The following RIMBP2 variants were observed in gnomAD, a reference collection of about 807,000 sequenced individuals.
The protein encoded by RIMBP2 is RIMS binding protein 2.
A neutral mutation model predicts 118.6 loss-of-function variants in RIMBP2; 48 were observed. The ratio of observed to expected loss-of-function variants is 0.40; its 90% CI spans 0.32 to 0.51. The LOEUF is 0.51. Ranked by LOEUF, RIMBP2 falls within the 20% of genes least tolerant of loss-of-function variation. The pLI, the probability that RIMBP2 is intolerant of heterozygous loss-of-function variation, is 0.41. For missense variants in RIMBP2, 1,551 were observed against 1,768.3 expected, an observed-to-expected ratio of 0.88 and a Z score of 2.20; for synonymous variants, 762 against 742.9, an observed-to-expected ratio of 1.03 and a Z score of -0.42.
At chr12:130,409,354 TTTTTTTG>T (rs2075486697) in intron 19 of RIMBP2, among the ~76,000 whole-genome samples, 2 of 141,916 alleles carry the variant, frequency 1.4e-5, no homozygotes, top group African/African-American at 2.6e-5. Flanking sequence ...TTTTTTTTTT[TTTTTTTG>T]AGATGGACTC....
intron 2 of RIMBP2, among the ~76,000 whole-genome samples, chr12:130,531,975 A>G (rs543439102): frequency 1.8e-5 from 2 of 111,248 alleles, no homozygotes. Context: ...GCGTATGTTT[A>G]GCCTCTAGGA....
rs1195716830 is a variant in RIMBP2 at position 130,434,650 on chromosome 12, G to A, written c.2253+84C>T. ...CAGGGACCCAAGGGTAGCGGGGAAA[G>A]TGCCCATGTCTCTTGATCTCCACGG... On this transcript the variant is annotated intron_variant, in intron 14 of 22. Transcript: ENST00000690449. The surrounding 1 kb of genome is among the most constrained non-coding windows in gnomAD (Gnocchi z 5.7). The A allele has an allele frequency of 2.8e-6, 4 of 1,407,046 alleles. No homozygotes were observed. Among genetic ancestry groups the A allele is most frequent in the Non-Finnish European group, 3.8e-6 (4 of 1,055,858 alleles). The allele number at this position is 1,407,046 out of a possible 1,614,324, so 87.2% of individuals were successfully genotyped here.
intron 4 of RIMBP2, among the ~76,000 whole-genome samples, chr12:130,481,244 A>G (rs902180362): frequency 6.7e-6 from 1 of 149,732 alleles, no homozygotes; most frequent in African/African-American, 2.5e-5. Flanking sequence ...CAGTTTTCCA[A>G]AGGTAGCCCT....
intron 5 of RIMBP2, among the ~76,000 whole-genome samples, chr12:130,473,131 G>C (rs913399459): frequency 6.6e-6 from 1 of 152,178 alleles, no homozygotes; most frequent in South Asian, 2.1e-4. Context: ...GTACAACTTC[G>C]CTTCCAGCTT....
At chr12:130,462,838 T>C (rs1050708799) in intron 6 of RIMBP2, among the ~76,000 whole-genome samples, 4 of 152,344 alleles carry the variant, frequency 2.6e-5, no homozygotes, top group South Asian at 2.1e-4. Context: ...CCGTAAATGC[T>C]TGTCTGATGG....
chr12:130,497,100 C>A (rs1324376684), intron 4 of RIMBP2, among the ~76,000 whole-genome samples: 3 of 152,184 alleles, frequency 2.0e-5, no homozygotes, highest in Non-Finnish European at 4.4e-5. Context: ...CCCTGAGCGT[C>A]TGTGTCTCTA....
chr12:130,643,667 A>G (rs2062725358), intron 1 of RIMBP2, among the ~76,000 whole-genome samples: 1 of 152,184 alleles, frequency 6.6e-6, no homozygotes, highest in Admixed American at 6.5e-5. Flanking sequence ...GGAGGCGGGG[A>G]CCACTGCTCC....
chr12:130,661,992 G>T (rs553301375), intron 1 of RIMBP2, among the ~76,000 whole-genome samples: 2 of 152,342 alleles, frequency 1.3e-5, no homozygotes, highest in Non-Finnish European at 2.9e-5. Context: ...GTGCAGGACT[G>T]AAATCACCTG....
chr12:130,407,185 A>C (rs1262649687), intron 20 of RIMBP2, among the ~76,000 whole-genome samples: 1 of 152,220 alleles, frequency 6.6e-6, no homozygotes, highest in Non-Finnish European at 1.5e-5. Flanking sequence ...AGTACTGTGT[A>C]ACATGGGTTC....
intron 1 of RIMBP2, among the ~76,000 whole-genome samples, chr12:130,715,216 C>T (rs1200134216): frequency 6.6e-6 from 1 of 152,244 alleles, no homozygotes; most frequent in Non-Finnish European, 1.5e-5. Context: ...AAATATGGGG[C>T]TGGACAGGGT....
intron 1 of RIMBP2, chr12:130,651,402 C>T (rs2063226538): frequency 6.6e-6 from 1 of 152,284 alleles, no homozygotes; most frequent in South Asian, 2.1e-4. Context: ...GAGTTCTTCC[C>T]ATGTGCAAGG....
Position 130,511,801 on chromosome 12 carries a change from A to T in RIMBP2, c.-126-5031T>A, listed in dbSNP as rs1055844458. Among the ~76,000 whole-genome samples, 9 of 152,036 alleles carry T rather than the reference A, an allele frequency of 5.9e-5. No homozygotes were observed. The highest frequency in any genetic ancestry group is 7.4e-5 in the Non-Finnish European group (5 of 68,020). On this transcript the variant is annotated intron_variant, in intron 3 of 22. Coordinates refer to ENST00000690449, the MANE Select transcript of RIMBP2 (RefSeq NM_001393629.1). This position sits in a 1 kb window ranked among gnomAD's most constrained non-coding sequence, Gnocchi z 4.3. ...ACCACAGTGGGGATGCGACCCTTCG[A>T]GATGGAATACCACCTGTCTCGGTGT... is the stretch of plus-strand genomic sequence containing the variant.
At chr12:130,476,383 A>G (rs1437467675) in intron 5 of RIMBP2, among the ~76,000 whole-genome samples, 1 of 152,202 alleles carries the variant, frequency 6.6e-6, no homozygotes, top group African/African-American at 2.4e-5. Flanking sequence ...GAGAGTCCAA[A>G]GACGACTGGT....
At chr12:130,486,474 C>T (rs12831715) in intron 4 of RIMBP2, among the ~76,000 whole-genome samples, 6,394 of 151,848 alleles carry the variant, frequency 0.042, 195 homozygotes, top group South Asian at 0.13. Context: ...CCCGCCCCCC[C>T]GCCACTCATA....
rs2078870515 is a variant in RIMBP2, at chr12:130,450,110, G to A, written c.581+90C>T. 1 of 826,306 alleles carries A rather than the reference G, an allele frequency of 1.2e-6. No homozygotes were observed. Among genetic ancestry groups the A allele is most frequent in the Non-Finnish European group, 2.0e-6 (1 of 502,828 alleles). The allele number at this position is 826,306 out of a possible 1,614,324, so 51.2% of individuals were successfully genotyped here. A position where few individuals can be genotyped will look rare whatever the true frequency, so the allele number is the denominator to read the frequency against. ...CTTCTCCTCGTGCCCTGGGAGAAGG[G>A]AACTTCTCAGACCCCAGAGTGTTCC... On this transcript the variant is annotated intron_variant, in intron 9 of 22. Transcript: ENST00000690449. The surrounding 1 kb of genome is among the most constrained non-coding windows in gnomAD (Gnocchi z 4.8).
chr12:130,591,463 A>G (rs950534179), intron 2 of RIMBP2, among the ~76,000 whole-genome samples: 5 of 152,148 alleles, frequency 3.3e-5, no homozygotes, highest in Non-Finnish European at 7.3e-5. Context: ...GCCTTGACAC[A>G]TTCCCACTCA....
At chr12:130,558,928 G>T (rs536922234) in intron 2 of RIMBP2, among the ~76,000 whole-genome samples, 1 of 152,156 alleles carries the variant, frequency 6.6e-6, no homozygotes, top group Non-Finnish European at 1.5e-5. Flanking sequence ...TGTCAAGTAG[G>T]TTAGAAACTC....
intron 18 of RIMBP2, among the ~76,000 whole-genome samples, chr12:130,413,416 G>C (rs780353973): frequency 6.6e-6 from 1 of 152,088 alleles, no homozygotes; most frequent in Non-Finnish European, 1.5e-5. Context: ...GATCACTTAA[G>C]ATCAGGAGTT....
At chr12:130,498,046 C>T (rs1231436756) in intron 4 of RIMBP2, among the ~76,000 whole-genome samples, 1 of 152,244 alleles carries the variant, frequency 6.6e-6, no homozygotes, top group Admixed American at 6.5e-5. Flanking sequence ...CTGTGAGCCC[C>T]AGAGAAGCAC....
Sources: allele counts gnomAD v4.1 joint callset (sites outside exome capture counted in the v4.1 genomes callset), GRCh38; gene constraint gnomAD v4.1.1; non-coding constraint Gnocchi (gnomAD v3.1); transcripts MANE v1.5; gene names NCBI Gene and HGNC (gene_info 2026-07-23, HGNC 2026-07-21).